The following TNPO1 variants were observed in gnomAD, a reference collection of about 807,000 sequenced individuals.
TNPO1 encodes the protein transportin-1.
A neutral mutation model predicts 119.5 loss-of-function variants in TNPO1; 8 were observed. The ratio of observed to expected loss-of-function variants is 0.07; its 90% confidence interval spans 0.04 to 0.12. The LOEUF (loss-of-function observed/expected upper bound fraction) is 0.12, where lower values mean the gene tolerates loss of function less well. Among genes scored for constraint, TNPO1 ranks in the 10% least tolerant of loss-of-function variants. The probability of loss-of-function intolerance (pLI) is 1.00; values close to 1 mark genes in which losing one functional copy is unlikely to be tolerated. For missense variants in TNPO1, 576 were observed against 1,089.8 expected (o/e 0.53, Z 6.64); for synonymous variants, 362 against 363.0 (o/e 1.00, Z 0.03).
rs869051297 is a variant in TNPO1, at chr5:72,906,275, CTTTTTTTTTTTTTT to C, written c.*35+855_*35+868del. Among the ~76,000 whole-genome samples, 274 of 54,692 alleles carry C rather than the reference CTTTTTTTTTTTTTT, an allele frequency of 5.0e-3. 11 individuals carry two copies. Among genetic ancestry groups the C allele is most frequent in the African/African-American group, 0.015 (217 of 14,702 alleles). The allele number at this position is 54,692 out of a possible 152,430, so 35.9% of individuals were successfully genotyped here. ...CCATGTGCCCATCACTTTTTTTTTT[CTTTTTTTTTTTTTT>C]TTTTTTTTTTTTTTTTTTTTTTTTG... is the stretch of plus-strand genomic sequence containing the variant. On this transcript the variant is annotated intron_variant, in intron 24 of 24. Coordinates refer to ENST00000337273, the MANE Select transcript of TNPO1 (RefSeq NM_002270.4).
At chr5:72,840,300 T>C (rs1442561130) in intron 1 of TNPO1, among the ~76,000 whole-genome samples, 2 of 152,140 alleles carry the variant, frequency 1.3e-5, no homozygotes, top group African/African-American at 4.8e-5. Flanking sequence ...GACACATTGC[T>C]TAAGTTCTCT....
Position 72,893,124 on chromosome 5 carries a change from C to T in TNPO1, c.1789-15C>T, listed in dbSNP as rs1243841832. 2 of 1,601,402 alleles carry T rather than the reference C, an allele frequency of 1.2e-6. No individual in the cohort carries two copies. The highest frequency in any genetic ancestry group is 4.5e-5 in the East Asian group (2 of 44,816). On this transcript the variant is annotated splice_polypyrimidine_tract_variant and intron_variant, in intron 15 of 24. Coordinates refer to ENST00000337273, the MANE Select transcript of TNPO1 (RefSeq NM_002270.4). ...ATACCCAGAAAGTTTAGCATGTGTACTTTATTCTTCCTAGTGCCTATCTTC... is the reference window on the plus strand; with the variant it reads ...ATACCCAGAAAGTTTAGCATGTGTATTTTATTCTTCCTAGTGCCTATCTTC...
At chr5:72,817,628 C>T (rs999531249) in intron 1 of TNPO1, among the ~76,000 whole-genome samples, 1 of 152,154 alleles carries the variant, frequency 6.6e-6, no homozygotes, top group Admixed American at 6.5e-5. Flanking sequence ...TTGATTTTGA[C>T]AGCTGTATTA....
At chr5:72,878,659 A>G (rs947146866) in intron 9 of TNPO1, 2 of 201,386 alleles carry the variant, frequency 9.9e-6, no homozygotes, top group African/African-American at 4.7e-5. Context: ...CTCGAAATAC[A>G]CTGACTGGAT....
intron 4 of TNPO1, among the ~76,000 whole-genome samples, chr5:72,860,381 A>T (rs1012624601): frequency 1.3e-5 from 2 of 152,260 alleles, no homozygotes; most frequent in African/African-American, 4.8e-5. Context: ...ATCCATAATC[A>T]CTAAGCATAT....
At chr5:72,882,588 G>T in intron 10 of TNPO1, 61 bp downstream of exon 10, 1 of 1,242,580 alleles carries the variant, frequency 8.0e-7, no homozygotes, top group South Asian at 1.3e-5. Flanking sequence ...GTACATCTTT[G>T]GATTTGGCCA....
chr5:72,870,158 C>CTTTTTTT lies in TNPO1; in HGVS notation c.597-2468_597-2462dup, dbSNP rs200118076. Among the ~76,000 whole-genome samples, 28 of 106,162 alleles carry CTTTTTTT rather than the reference C, an allele frequency of 2.6e-4. 1 individual carries two copies. The highest frequency in any genetic ancestry group is 3.2e-4 in the African/African-American group (9 of 28,018). The allele number at this position is 106,162 out of a possible 152,430, so 69.6% of individuals were successfully genotyped here. On this transcript the variant is annotated intron_variant, in intron 6 of 24. Transcript: ENST00000337273. ...ATAGTCATTTTCACAATACTAATTG[C>CTTTTTTT]TTTTTTTTTTTTTTTTTTTGAGACG...
At chr5:72,901,251 A>G (rs1449358087) in intron 22 of TNPO1, among the ~76,000 whole-genome samples, 178 bp downstream of exon 22, 1 of 151,532 alleles carries the variant, frequency 6.6e-6, no homozygotes, top group Non-Finnish European at 1.5e-5. Context: ...TTTTTTTCCT[A>G]AATTTTTTTT....
chr5:72,832,583 C>T (rs1458918700), intron 1 of TNPO1, among the ~76,000 whole-genome samples: 1 of 152,130 alleles, frequency 6.6e-6, no homozygotes, highest in Non-Finnish European at 1.5e-5. Context: ...GTGTCTGAGT[C>T]TTGAGAACCA....
At chr5:72,883,727 CTT>C (rs1325952808) in intron 11 of TNPO1, among the ~76,000 whole-genome samples, 1 of 151,634 alleles carries the variant, frequency 6.6e-6, no homozygotes, top group African/African-American at 2.4e-5. Flanking sequence ...TGTGTGTAGA[CTT>C]TTTTTGTTTG....
chr5:72,875,154 A>G (rs1230746218), intron 7 of TNPO1, among the ~76,000 whole-genome samples: 1 of 152,226 alleles, frequency 6.6e-6, no homozygotes, highest in Non-Finnish European at 1.5e-5. Context: ...ATTTATTACT[A>G]ATTTTATGGA....
rs766630115 is a variant in TNPO1 at position 72,875,750 on chromosome 5, A to G, written c.801+13A>G. The stretch of plus-strand genomic sequence containing the variant: ...TAATATAGTTGAGGTAACACTGGCA[A>G]TTTAAAGGCTCTTTCATCATCTTTC... On this transcript the variant is annotated intron_variant, in intron 8 of 24. Coordinates refer to ENST00000337273, the MANE Select transcript of TNPO1 (RefSeq NM_002270.4). The G allele has an allele frequency of 6.3e-7, 1 of 1,589,202 alleles. No individual in the cohort carries two copies. Among genetic ancestry groups the G allele is most frequent in the Non-Finnish European group, 8.6e-7 (1 of 1,160,950 alleles).
Position 72,887,161 on chromosome 5 carries a change from T to G in TNPO1, c.1242T>G (p.Leu414=). The part of the protein sequence containing the change: ...PHILPLLKEL[L]FHHEWVVKES... Reference sequence around the variant, plus strand: ...TTTTGCCCCTTTTGAAAGAATTACTTTTTCATCATGAATGGGTTGTTAAAG... The same window carrying G: ...TTTTGCCCCTTTTGAAAGAATTACTGTTTCATCATGAATGGGTTGTTAAAG... The change falls in exon 12 of 25, where the codon CTT becomes CTG. Residue 414 remains leucine, a synonymous_variant. Coordinates refer to ENST00000337273, the MANE Select transcript of TNPO1 (RefSeq NM_002270.4). 1 of 1,614,012 alleles carries G rather than the reference T, an allele frequency of 6.2e-7. No homozygotes were observed. The highest frequency in any genetic ancestry group is 8.5e-7 in the Non-Finnish European group (1 of 1,179,910).
intron 6 of TNPO1, among the ~76,000 whole-genome samples, chr5:72,870,656 C>T (rs34674): frequency 0.14 from 20,573 of 152,060 alleles, 1,560 homozygotes; most frequent in East Asian, 0.29. Context: ...GAAAGCACGT[C>T]ACACTGTTTC....
chr5:72,826,187 A>G (rs553038605), intron 1 of TNPO1, among the ~76,000 whole-genome samples: 8 of 152,164 alleles, frequency 5.3e-5, no homozygotes, highest in East Asian at 1.9e-4. Context: ...ACTATATTCT[A>G]TCCTGCCCTT....
intron 1 of TNPO1, among the ~76,000 whole-genome samples, chr5:72,827,513 T>G (rs1489339897): frequency 6.6e-6 from 1 of 151,846 alleles, no homozygotes; most frequent in African/African-American, 2.4e-5. Flanking sequence ...CAATTCAGAG[T>G]ATATTTTGAT....
chr5:72,903,907 A>G (rs1749957522), intron 23 of TNPO1, 124 bp downstream of exon 23: 2 of 600,046 alleles, frequency 3.3e-6, no homozygotes, highest in African/African-American at 3.8e-5. Flanking sequence ...TAGTTTACAT[A>G]TATAACCTTT....
chr5:72,900,025 T>G lies in TNPO1; in HGVS notation c.2358T>G (p.Leu786=). ...LENTAITIGR[L]GYVCPQEVAP... is the part of the protein sequence containing the mutation. ...CCTTAGCAATAACAATTGGTCGTCT[T>G]GGTTACGTTTGTCCTCAAGAGGTGG... Residue 786 remains leucine (L), a synonymous_variant, in exon 21 of 25, where the codon CTT becomes CTG. Transcript: ENST00000337273. 6.2e-7 allele frequency: 1 copy of G among 1,614,064 alleles called. No individual in the cohort carries two copies. The highest frequency in any genetic ancestry group is 8.5e-7 in the Non-Finnish European group (1 of 1,179,922).
intron 20 of TNPO1, 95 bp from the exon 21 acceptor site, chr5:72,899,911 T>C: frequency 3.1e-6 from 3 of 956,276 alleles, no homozygotes; most frequent in Non-Finnish European, 4.9e-6. Flanking sequence ...TTCTGAGTTA[T>C]TTGTTGTTTT....
Sources: gnomAD v4.1 joint callset for allele counts (sites outside exome capture counted in the v4.1 genomes callset) on GRCh38, gnomAD v4.1.1 for gene constraint, MANE v1.5 for transcripts, NCBI Gene and HGNC (gene_info 2026-07-23, HGNC 2026-07-21) for gene names.